The following RAI14 variants were observed in gnomAD, a reference collection of about 807,000 sequenced individuals.
RAI14 encodes the protein retinoic acid induced 14, also known as ankycorbin.
A neutral mutation model predicts 115.4 loss-of-function variants in RAI14; 45 were observed. The ratio of observed to expected loss-of-function variants is 0.39; its 90% CI spans 0.31 to 0.50. RAI14 has a LOEUF of 0.50. Among genes scored for constraint, RAI14 ranks in the 20% least tolerant of loss-of-function variants. The probability of loss-of-function intolerance (pLI) is 0.85; values close to 1 mark genes in which losing one functional copy is unlikely to be tolerated. For synonymous variants in RAI14, 371 were observed against 415.4 expected (o/e 0.89, Z 1.30); for missense variants, 939 against 1,131.2 (o/e 0.83, Z 2.44).
chr5:34,704,797 C>T (rs879921220), intron 2 of RAI14, among the ~76,000 whole-genome samples: 4 of 152,158 alleles, frequency 2.6e-5, no homozygotes, highest in Non-Finnish European at 5.9e-5. Flanking sequence ...CTTCAGTTTT[C>T]TTGCCACACT....
intron 3 of RAI14, among the ~76,000 whole-genome samples, chr5:34,775,119 G>A (rs2150142044): frequency 6.6e-6 from 1 of 152,154 alleles, no homozygotes; most frequent in South Asian, 2.1e-4. Context: ...AAACCAAAAT[G>A]GATTAAAGAT....
chr5:34,823,277 T>G lies in RAI14; in HGVS notation c.1435T>G (p.Ser479Ala). ...CAACACTGAGATTTCAGAGAACAGCTCTGACCTCAGCCAGAAACTTAAAGA... is the reference window on the plus strand; with the variant it reads ...CAACACTGAGATTTCAGAGAACAGCGCTGACCTCAGCCAGAAACTTAAAGA... ...LNNTEISENS[S>A]DLSQKLKETQ... The change falls in exon 15 of 18, where the codon TCT becomes GCT. Residue 479 changes from serine to alanine, a missense_variant. By Grantham distance (99) the Ser-to-Ala change is moderately conservative. Coordinates refer to ENST00000265109, the MANE Select transcript of RAI14 (RefSeq NM_015577.3). This position sits in a 1 kb window ranked among gnomAD's most constrained non-coding sequence, Gnocchi z 4.5. The G allele has an allele frequency of 6.2e-7, 1 of 1,614,032 alleles. No homozygotes were observed. Among genetic ancestry groups the G allele is most frequent in the Non-Finnish European group, 8.5e-7 (1 of 1,180,014 alleles).
At chr5:34,737,479 C>T (rs1169599158) in intron 2 of RAI14, among the ~76,000 whole-genome samples, 1 of 152,022 alleles carries the variant, frequency 6.6e-6, no homozygotes, top group African/African-American at 2.4e-5. Flanking sequence ...CTTTAGATGT[C>T]TTGGCACGGT....
At chr5:34,734,051 C>A (rs895102424) in intron 2 of RAI14, among the ~76,000 whole-genome samples, 2 of 152,242 alleles carry the variant, frequency 1.3e-5, no homozygotes, top group African/African-American at 4.8e-5. Context: ...ACCACCGTGC[C>A]ACGCTTTTCT....
chr5:34,757,685 A>C, intron 3 of RAI14, 87 bp downstream of exon 3: 1 of 1,448,546 alleles, frequency 6.9e-7, no homozygotes, highest in Non-Finnish European at 9.2e-7. Flanking sequence ...GGGGAATTTC[A>C]CACGTGCTCC....
At chr5:34,777,447 C>T (rs748694304) in intron 3 of RAI14, among the ~76,000 whole-genome samples, 3 of 152,106 alleles carry the variant, frequency 2.0e-5, no homozygotes, top group Non-Finnish European at 2.9e-5. Flanking sequence ...CATGTTCTCA[C>T]TAACATGTGG....
chr5:34,741,018 T>G (rs1440202611), intron 2 of RAI14, among the ~76,000 whole-genome samples: 2 of 152,204 alleles, frequency 1.3e-5, no homozygotes, highest in Admixed American at 6.5e-5. Context: ...ATTTTGATTA[T>G]TTAAGTCACT....
chr5:34,808,279 G>A (rs1053656847), intron 6 of RAI14, among the ~76,000 whole-genome samples: 1 of 152,210 alleles, frequency 6.6e-6, no homozygotes, highest in African/African-American at 2.4e-5. Context: ...AACTATGAGT[G>A]ATTAGATTTA....
chr5:34,814,516 G>A (rs1014817883), intron 11 of RAI14, 67 bp from the exon 12 acceptor site: 47 of 1,190,864 alleles, frequency 3.9e-5, no homozygotes, highest in African/African-American at 9.1e-5. Flanking sequence ...TTGATTCTTC[G>A]GCACTGGAGA....
intron 3 of RAI14, among the ~76,000 whole-genome samples, chr5:34,777,196 C>T (rs914543379): frequency 5.9e-5 from 9 of 152,030 alleles, no homozygotes; most frequent in African/African-American, 2.2e-4. Context: ...AGAAGGAATT[C>T]AGTATATCAA....
chr5:34,717,329 A>G (rs1742120219), intron 2 of RAI14, among the ~76,000 whole-genome samples: 1 of 152,262 alleles, frequency 6.6e-6, no homozygotes, highest in Admixed American at 6.5e-5. Context: ...AGAGCTGAAC[A>G]GCTTACAAGT....
At chr5:34,734,387 G>A (rs1744593101) in intron 2 of RAI14, among the ~76,000 whole-genome samples, 1 of 152,202 alleles carries the variant, frequency 6.6e-6, no homozygotes, top group Non-Finnish European at 1.5e-5. Flanking sequence ...ACTTCTAAAG[G>A]AGGTATATGA....
intron 2 of RAI14, among the ~76,000 whole-genome samples, chr5:34,746,116 G>GTT (rs367690560): frequency 9.8e-5 from 5 of 51,190 alleles, no homozygotes; most frequent in Non-Finnish European, 1.6e-4. Flanking sequence ...TTTTTTTTTT[G>GTT]TTTTTTTGAG....
chr5:34,734,526 AG>A (rs1744615245), intron 2 of RAI14, among the ~76,000 whole-genome samples: 1 of 152,154 alleles, frequency 6.6e-6, no homozygotes, highest in Non-Finnish European at 1.5e-5. Flanking sequence ...TTTTAGTAGA[AG>A]GAGTAGAAGG....
chr5:34,721,980 A>G (rs971753322), intron 2 of RAI14, among the ~76,000 whole-genome samples: 12 of 152,050 alleles, frequency 7.9e-5, no homozygotes, highest in African/African-American at 2.4e-4. Context: ...GAGTGCTGGG[A>G]TTATTACAGG....
intron 4 of RAI14, among the ~76,000 whole-genome samples, chr5:34,800,872 T>C (rs925236102): frequency 3.9e-5 from 6 of 152,208 alleles, no homozygotes; most frequent in Non-Finnish European, 8.8e-5. Context: ...GACAAGTTAA[T>C]GCATTGCGTA....
chr5:34,763,377 T>C (rs571810580), intron 3 of RAI14, among the ~76,000 whole-genome samples: 53 of 152,344 alleles, frequency 3.5e-4, no homozygotes, highest in African/African-American at 1.1e-3. Flanking sequence ...CTAAGACCTG[T>C]TGATATTTGT....
chr5:34,774,021 T>C (rs1231658333), intron 3 of RAI14, among the ~76,000 whole-genome samples: 2 of 152,018 alleles, frequency 1.3e-5, no homozygotes, highest in East Asian at 3.9e-4. Flanking sequence ...GATTTTATAT[T>C]GGAAAAAAAC....
intron 2 of RAI14, among the ~76,000 whole-genome samples, chr5:34,717,801 A>C (rs2149984121): frequency 6.6e-6 from 1 of 151,608 alleles, no homozygotes; most frequent in Non-Finnish European, 1.5e-5. Context: ...AGAAGGCTTT[A>C]AGTACTGGCA....
Sources: gnomAD v4.1 joint callset for allele counts (sites outside exome capture counted in the v4.1 genomes callset) on GRCh38, gnomAD v4.1.1 for gene constraint, Gnocchi (gnomAD v3.1) non-coding constraint, MANE v1.5 for transcripts, NCBI Gene and HGNC (gene_info 2026-07-23, HGNC 2026-07-21) for gene names.